The following SLC4A8 variants were observed in gnomAD, a reference collection of about 807,000 sequenced individuals.
SLC4A8 encodes electroneutral sodium bicarbonate exchanger 1.
SLC4A8 carries 40 observed loss-of-function variants against 125.0 expected under a neutral mutation model. The observed-to-expected ratio is 0.32, with a 90% confidence interval of 0.25 to 0.42. The LOEUF (loss-of-function observed/expected upper bound fraction) is 0.42. Ranked by LOEUF, SLC4A8 falls within the 10% of genes least tolerant of loss-of-function variation. The pLI is 1.00. For missense variants in SLC4A8, 863 were observed against 1,355.1 expected, an observed-to-expected ratio of 0.64 and a Z score of 5.70; for synonymous variants, 456 against 476.0, an observed-to-expected ratio of 0.96 and a Z score of 0.55.
chr12:51,468,587 G>A (rs563502511), intron 11 of SLC4A8, among the ~76,000 whole-genome samples: 19 of 152,016 alleles, frequency 1.2e-4, no homozygotes, highest in African/African-American at 4.3e-4. Flanking sequence ...GTGAAACCCC[G>A]ACTCTACTAA....
At chr12:51,392,428 C>T (rs1030268212) in intron 1 of SLC4A8, among the ~76,000 whole-genome samples, 3 of 151,692 alleles carry the variant, frequency 2.0e-5, no homozygotes, top group Non-Finnish European at 4.4e-5. Context: ...AAGAAATTAG[C>T]TGGGCGTAGT....
At chr12:51,475,360 G>C (rs958903625) in intron 16 of SLC4A8, among the ~76,000 whole-genome samples, 154 bp downstream of exon 16, 26 of 152,214 alleles carry the variant, frequency 1.7e-4, no homozygotes, top group African/African-American at 6.0e-4. Flanking sequence ...GTGTCTGGCA[G>C]CCTCTTTCAT....
chr12:51,489,850 G>A lies in SLC4A8; in HGVS notation c.2599G>A (p.Gly867Arg). The A allele has an allele frequency of 6.2e-7, 1 of 1,614,184 alleles. No individual in the cohort carries two copies. The highest frequency in any genetic ancestry group is 2.2e-5 in the East Asian group (1 of 44,884). ...GCTAGAATCTGAATGCTCTGCTCCT[G>A]GAGAACAGCCCAAGTTCCTGGGCAT... ...LKLESECSAPGEQPKFLGIRE... is the reference protein window; with the variant it reads ...LKLESECSAPREQPKFLGIRE... The change falls in exon 19 of 25, where the codon GGA (glycine) becomes AGA (arginine). Residue 867 changes from glycine (G) to arginine (R), a missense_variant. Around this residue, in one of 6 missense-constraint regions of SLC4A8, gnomAD observed 197 missense variants for 377.7 expected, o/e 0.52. Coordinates refer to ENST00000453097, the MANE Select transcript of SLC4A8 (RefSeq NM_001039960.3).
chr12:51,441,107 G>A, intron 2 of SLC4A8: 1 of 1,031,124 alleles, frequency 9.7e-7, no homozygotes, highest in Non-Finnish European at 1.2e-6. Flanking sequence ...GTTAATTCTT[G>A]ACAACTGCCT....
At chr12:51,505,786 G>A in intron 23 of SLC4A8, 49 bp from the exon 24 acceptor site, 1 of 830,256 alleles carries the variant, frequency 1.2e-6, no homozygotes, top group Non-Finnish European at 2.0e-6. Context: ...ACTGTGGTAT[G>A]TATTTTACTT....
chr12:51,447,690 C>G (rs1054059440), intron 2 of SLC4A8, among the ~76,000 whole-genome samples: 18 of 149,886 alleles, frequency 1.2e-4, no homozygotes, highest in Admixed American at 2.0e-4. Flanking sequence ...AATGTTGATT[C>G]TCTGTGAGCA....
Position 51,463,639 on chromosome 12 carries a change from C to T in SLC4A8, c.1274C>T (p.Pro425Leu), listed in dbSNP as rs1205594711. ...GAGAAAAGGAAAATGCCTGGAGTTCCAAATGGAAATGTTTGCCACATAGAA... is the reference window on the plus strand; with the variant it reads ...GAGAAAAGGAAAATGCCTGGAGTTCTAAATGGAAATGTTTGCCACATAGAA... Reference protein sequence around the residue: ...SQEKRKMPGVPNGNVCHIEQE... With the variant: ...SQEKRKMPGVLNGNVCHIEQE... The change falls in exon 11 of 25, where the codon CCA becomes CTA. Residue 425 changes from proline (P) to leucine (L), a missense_variant. By Grantham distance (98) the Pro-to-Leu change is moderately conservative. This residue lies in a region of SLC4A8 where 390 missense variants were observed against 634.4 expected (regional missense o/e 0.61). Transcript: ENST00000453097. The T allele has an allele frequency of 1.2e-6, 2 of 1,613,836 alleles. No homozygotes were observed. Among genetic ancestry groups the T allele is most frequent in the Non-Finnish European group, 1.7e-6 (2 of 1,179,784 alleles).
intron 1 of SLC4A8, among the ~76,000 whole-genome samples, chr12:51,408,952 T>TA (rs546760549): frequency 6.6e-6 from 1 of 152,224 alleles, no homozygotes; most frequent in African/African-American, 2.4e-5. Flanking sequence ...GCCCATTAAT[T>TA]AAAAAAACCC....
At chr12:51,398,893 G>T (rs1948318239) in intron 1 of SLC4A8, among the ~76,000 whole-genome samples, 1 of 152,168 alleles carries the variant, frequency 6.6e-6, no homozygotes, top group Non-Finnish European at 1.5e-5. Context: ...AGGATTACAG[G>T]CGTGCGCAAC....
chr12:51,434,783 A>G (rs916149496), intron 1 of SLC4A8, among the ~76,000 whole-genome samples: 1 of 152,160 alleles, frequency 6.6e-6, no homozygotes, highest in Non-Finnish European at 1.5e-5. Flanking sequence ...ATTGATTCCT[A>G]TCCTCTGGAT....
rs1402300929 is a variant in SLC4A8, at chr12:51,453,579, C to T, written c.454C>T (p.Arg152Cys). 1.9e-6 allele frequency: 3 copies of T among 1,614,126 alleles called. No individual in the cohort carries two copies. The highest frequency in any genetic ancestry group is 1.1e-5 in the South Asian group (1 of 91,078). ...AGAAGATGTTGAAGATGGGGGAGAA[C>T]GCTGGAGCAAGCCTTATGTGGCAAC... Reference protein sequence around the residue: ...FEEDVEDGGERWSKPYVATLS... With the variant: ...FEEDVEDGGECWSKPYVATLS... Residue 152 changes from arginine (R) to cysteine (C), a missense_variant, in exon 5 of 25, where the codon CGC becomes TGC. By Grantham distance (180) the Arg-to-Cys change is radical. Transcript: ENST00000453097.
chr12:51,438,817 A>T (rs112367242), intron 1 of SLC4A8, among the ~76,000 whole-genome samples: 8 of 152,272 alleles, frequency 5.3e-5, no homozygotes, highest in African/African-American at 1.7e-4. Context: ...GATAATAGCC[A>T]TCCTAACTGG....
intron 1 of SLC4A8, among the ~76,000 whole-genome samples, chr12:51,433,869 TTTTTTTTTTG>T (rs1565772268): frequency 2.7e-4 from 9 of 33,596 alleles, no homozygotes; most frequent in South Asian, 9.9e-4. Flanking sequence ...TTTTTTTTTT[TTTTTTTTTTG>T]GTTGGTTTTT....
chr12:51,454,399 C>T (rs1435951076), intron 5 of SLC4A8, among the ~76,000 whole-genome samples: 1 of 147,064 alleles, frequency 6.8e-6, no homozygotes, highest in East Asian at 2.0e-4. Context: ...ATAAGGGGAC[C>T]CGGGGAACCA....
Position 51,424,996 on chromosome 12 carries a change from C to G in SLC4A8, c.9C>G (p.Ala3=). 2 of 1,555,278 alleles carry G rather than the reference C, an allele frequency of 1.3e-6. No homozygotes were observed. The highest frequency in any genetic ancestry group is 1.7e-6 in the Non-Finnish European group (2 of 1,149,908). The stretch of plus-strand genomic sequence containing the variant: ...CCTAGTTCGGCTCCGCCATGCCGGC[C>G]GCCGGGAGTAACGAGCCGGACGGCG... MP[A]AGSNEPDGVL... The change falls in exon 1 of 25, where the codon GCC becomes GCG. Residue 3 remains alanine (A), a synonymous_variant. Coordinates refer to ENST00000453097, the MANE Select transcript of SLC4A8 (RefSeq NM_001039960.3).
intron 13 of SLC4A8, among the ~76,000 whole-genome samples, chr12:51,471,059 A>G (rs1044289055): frequency 4.6e-5 from 7 of 152,146 alleles, no homozygotes; most frequent in African/African-American, 1.4e-4. Flanking sequence ...GCAGGAATGT[A>G]TATGAGACAA....
At chr12:51,398,637 G>A (rs1476188705) in intron 1 of SLC4A8, among the ~76,000 whole-genome samples, 1 of 152,108 alleles carries the variant, frequency 6.6e-6, no homozygotes, top group Admixed American at 6.5e-5. Flanking sequence ...CAGTTGTTTT[G>A]CCCAAAGAGA....
intron 1 of SLC4A8, among the ~76,000 whole-genome samples, chr12:51,404,417 C>T (rs746241555): frequency 6.6e-6 from 1 of 152,138 alleles, no homozygotes; most frequent in South Asian, 2.1e-4. Context: ...CTCCCTAGCG[C>T]CAGCCAGGTG....
At chr12:51,408,386 T>C (rs1948533008) in intron 1 of SLC4A8, among the ~76,000 whole-genome samples, 1 of 152,018 alleles carries the variant, frequency 6.6e-6, no homozygotes, top group African/African-American at 2.4e-5. Context: ...CGTGCCACCA[T>C]ACCCAGCTAA....
Sources: allele counts gnomAD v4.1 joint callset (sites outside exome capture counted in the v4.1 genomes callset), GRCh38; gene constraint gnomAD v4.1.1; regional missense constraint gnomAD v4.1.1; transcripts MANE v1.5; gene names NCBI Gene and HGNC (gene_info 2026-07-23, HGNC 2026-07-21).